The following CTNNA2 variants were observed in gnomAD, a reference collection of about 807,000 sequenced individuals.
The protein encoded by CTNNA2 is catenin alpha-2.
In CTNNA2, 42 loss-of-function variants were observed where a neutral mutation model predicts 101.0. The observed-to-expected ratio is 0.42, with a 90% CI of 0.32 to 0.54. The LOEUF is 0.54. Ranked by LOEUF, CTNNA2 falls within the 20% of genes least tolerant of loss-of-function variation. The probability of loss-of-function intolerance (pLI) is 0.14; values close to 1 mark genes in which losing one functional copy is unlikely to be tolerated. For synonymous variants in CTNNA2, 450 were observed against 456.4 expected (o/e 0.99, Z 0.18); for missense variants, 871 against 1,223.1 (o/e 0.71, Z 4.29).
chr2:80,370,482 A>C (rs1048301152), intron 7 of CTNNA2, among the ~76,000 whole-genome samples: 1 of 152,146 alleles, frequency 6.6e-6, no homozygotes, highest in African/African-American at 2.4e-5. Context: ...ATATAGCCAT[A>C]ATAAGGCCAA....
rs79635436 is a variant in CTNNA2 at position 79,534,096 on chromosome 2, G to A, written c.-6+20889G>A. Among the ~76,000 whole-genome samples the A allele has an allele frequency of 9.8e-3, 1,487 of 152,180 alleles. 26 individuals are homozygous for A. The highest frequency in any genetic ancestry group is 0.049 in the East Asian group (252 of 5,170). ...GTCAAAATTGTGATGTATGTTGTTT[G>A]CATTTCTGTGTTTCTTTTCAGGCTT... On this transcript the variant is annotated intron_variant, in intron 1 of 18. Coordinates refer to ENST00000402739, the MANE Select transcript of CTNNA2 (RefSeq NM_001282597.3).
At chr2:79,556,876 A>G (rs549563452) in intron 1 of CTNNA2, among the ~76,000 whole-genome samples, 2 of 152,032 alleles carry the variant, frequency 1.3e-5, no homozygotes, top group Non-Finnish European at 2.9e-5. Context: ...GTTTTAAAAC[A>G]TAGGAAATAA....
At position 80,195,342 on chromosome 2, in the gene CTNNA2, A is replaced by G. The variant is rs1451012374; in HGVS notation, c.1057-197869A>G. ...TATTAGCATTGTAAATTTGATTTTC[A>G]TGCCTGGGGAAAAAAAATCAAACTG... On this transcript the variant is annotated intron_variant, in intron 7 of 18. Transcript: ENST00000402739. 1.3e-5 allele frequency among the ~76,000 whole-genome samples: 2 copies of G among 152,198 alleles called. 1 individual carries two copies. The highest frequency in any genetic ancestry group is 4.1e-4 in the South Asian group (2 of 4,830).
chr2:80,309,805 C>T (rs182383419), intron 7 of CTNNA2, among the ~76,000 whole-genome samples: 29 of 151,788 alleles, frequency 1.9e-4, no homozygotes, highest in Non-Finnish European at 4.1e-4. Context: ...AGTGATTATC[C>T]TGCCTCAGCC....
At chr2:79,680,702 C>T (rs17017535) in intron 2 of CTNNA2, among the ~76,000 whole-genome samples, 2,924 of 152,284 alleles carry the variant, frequency 0.019, 62 homozygotes, top group Admixed American at 0.066. Context: ...ACTCTTAGGG[C>T]ATTCTTGATC....
intron 5 of CTNNA2, among the ~76,000 whole-genome samples, chr2:79,871,161 A>G (rs1574186208): frequency 6.6e-6 from 1 of 152,166 alleles, no homozygotes; most frequent in African/African-American, 2.4e-5. Flanking sequence ...TAGTTTCTCT[A>G]ACTTTCTCTC....
In CTNNA2 at chr2:79,737,263, A is replaced by C. The variant is rs145605104; in HGVS notation, c.103-7124A>C. On this transcript the variant is annotated intron_variant, in intron 2 of 18. Coordinates refer to ENST00000402739, the MANE Select transcript of CTNNA2 (RefSeq NM_001282597.3). The stretch of plus-strand genomic sequence containing the variant: ...ACTCGGGAGGCTGAGGCAGGAGAAT[A>C]GCTTGAACTCAGGAGATAGAGGTTG... Among the ~76,000 whole-genome samples, 4 of 151,778 alleles carry C rather than the reference A, an allele frequency of 2.6e-5. No homozygotes were observed. In the East Asian group the frequency reaches 7.8e-4, roughly 30 times the overall value.
chr2:79,849,938 C>T (rs1467722189), intron 3 of CTNNA2, among the ~76,000 whole-genome samples: 3 of 152,110 alleles, frequency 2.0e-5, no homozygotes, highest in African/African-American at 7.2e-5. Flanking sequence ...GGGAATATAC[C>T]TTGTCAACCG....
At chr2:79,204,039 A>T (rs1674070198) in intron 2 of CTNNA2, among the ~76,000 whole-genome samples, 2 of 152,242 alleles carry the variant, frequency 1.3e-5, no homozygotes, top group African/African-American at 4.8e-5. Flanking sequence ...AAGGGTTAAG[A>T]CATTTAATTT....
chr2:80,055,690 C>G (rs1033130883), intron 7 of CTNNA2, among the ~76,000 whole-genome samples: 7 of 152,102 alleles, frequency 4.6e-5, no homozygotes, highest in African/African-American at 1.4e-4. Flanking sequence ...AGTACACTCT[C>G]CAGTTTGCCA....
chr2:80,632,473 C>G (rs1672403351), intron 18 of CTNNA2, among the ~76,000 whole-genome samples: 1 of 152,062 alleles, frequency 6.6e-6, no homozygotes, highest in Non-Finnish European at 1.5e-5. Flanking sequence ...GTGCTGCACT[C>G]CAAAGCCAAA....
intron 2 of CTNNA2, among the ~76,000 whole-genome samples, chr2:79,706,043 G>A (rs749738941): frequency 2.6e-4 from 40 of 152,046 alleles, no homozygotes; most frequent in Admixed American, 2.4e-3. Flanking sequence ...TGGAAGAGCC[G>A]AAGGCCTTCG....
At chr2:79,189,995 A>AT (rs553829012) in intron 1 of CTNNA2, among the ~76,000 whole-genome samples, 20 of 152,202 alleles carry the variant, frequency 1.3e-4, no homozygotes, top group Middle Eastern at 3.4e-3. Context: ...GGCACAATTT[A>AT]TTTTCTTCTT....
chr2:79,876,641 C>T (rs1348794452), intron 6 of CTNNA2, among the ~76,000 whole-genome samples: 1 of 152,182 alleles, frequency 6.6e-6, no homozygotes, highest in African/African-American at 2.4e-5. Flanking sequence ...ACAACTGCTG[C>T]TTCCCCATGC....
At chr2:80,174,852 G>A (rs1705295525) in intron 7 of CTNNA2, among the ~76,000 whole-genome samples, 1 of 152,056 alleles carries the variant, frequency 6.6e-6, no homozygotes, top group South Asian at 2.1e-4. Flanking sequence ...CCACCCACAT[G>A]TGTACTACAT....
intron 4 of CTNNA2, among the ~76,000 whole-genome samples, chr2:79,499,494 A>G (rs187806883): frequency 6.6e-6 from 1 of 152,302 alleles, no homozygotes; most frequent in African/African-American, 2.4e-5. Context: ...AAAACACTCT[A>G]CTGACTTCTC....
chr2:79,882,435 C>A (rs559245741), intron 6 of CTNNA2, among the ~76,000 whole-genome samples: 2 of 152,294 alleles, frequency 1.3e-5, no homozygotes, highest in African/African-American at 4.8e-5. Context: ...TGCAGGGAAG[C>A]CCCACCCAAT....
intron 7 of CTNNA2, among the ~76,000 whole-genome samples, chr2:79,941,223 T>C (rs1195865324): frequency 6.6e-6 from 1 of 152,244 alleles, no homozygotes; most frequent in Non-Finnish European, 1.5e-5. Context: ...ATAGCTTTTA[T>C]TTCCCTATAG....
chr2:79,220,862 A>G (rs1674333370), intron 2 of CTNNA2, among the ~76,000 whole-genome samples: 1 of 152,214 alleles, frequency 6.6e-6, no homozygotes, highest in Non-Finnish European at 1.5e-5. Context: ...ATCTTTGTAC[A>G]ACTCTGCACA....
Sources: gnomAD v4.1 joint callset for allele counts (sites outside exome capture counted in the v4.1 genomes callset) on GRCh38, gnomAD v4.1.1 for gene constraint, MANE v1.5 for transcripts, NCBI Gene and HGNC (gene_info 2026-07-23, HGNC 2026-07-21) for gene names.